Variants in ZBTB16 observed in about 807,000 individuals in gnomAD.
The protein encoded by ZBTB16 is zinc finger and BTB domain-containing protein 16.
A neutral mutation model predicts 56.8 loss-of-function variants in ZBTB16; 8 were observed. The observed-to-expected ratio is 0.14, with a 90% confidence interval of 0.08 to 0.25. The LOEUF (loss-of-function observed/expected upper bound fraction) is 0.25. Among genes scored for constraint, ZBTB16 ranks in the 10% least tolerant of loss-of-function variants. ZBTB16 has a pLI of 1.00. For missense variants in ZBTB16, 625 were observed against 903.0 expected (o/e 0.69, Z 3.95); for synonymous variants, 363 against 368.5 (o/e 0.98, Z 0.17).
chr11:114,091,409 C>A (rs1940183787), intron 2 of ZBTB16, among the ~76,000 whole-genome samples: 2 of 151,854 alleles, frequency 1.3e-5, no homozygotes, highest in Non-Finnish European at 2.9e-5. Context: ...CTCTCCTCCA[C>A]CCCCTGGCAT....
chr11:114,251,555 C>G lies in ZBTB16; in HGVS notation c.*1000C>G, dbSNP rs1227851613. On this transcript the variant is annotated 3_prime_UTR_variant, in exon 7 of 7. Transcript: ENST00000335953. Reference sequence around the variant, plus strand: ...GGTTCCGAGGGTAGGTTGTGGATGTCTTTCTCTAGAGGGGTCCCACACCTG... The same window carrying G: ...GGTTCCGAGGGTAGGTTGTGGATGTGTTTCTCTAGAGGGGTCCCACACCTG... 6.6e-6 allele frequency among the ~76,000 whole-genome samples: 1 copy of G among 152,204 alleles called. No individual in the cohort carries two copies. The highest frequency in any genetic ancestry group is 1.5e-5 in the Non-Finnish European group (1 of 68,032).
At position 114,250,046 on chromosome 11, in the gene ZBTB16, T is replaced by C. The variant is rs902643809; in HGVS notation, c.1793-280T>C. Among the ~76,000 whole-genome samples the C allele has an allele frequency of 2.7e-4, 41 of 152,168 alleles. No homozygotes were observed. The highest frequency in any genetic ancestry group is 1.8e-4 in the Non-Finnish European group (12 of 68,030). On this transcript the variant is annotated intron_variant, in intron 6 of 6. Transcript: ENST00000335953. The surrounding 1 kb of genome is among the most constrained non-coding windows in gnomAD (Gnocchi z 6.0). ...AGTTAAGAATAGTAAGACAAGGAGC[T>C]GGGCAATCCAGTAGTCAACTAGCTA... is the stretch of plus-strand genomic sequence containing the variant.
chr11:114,068,227 G>T (rs998977013), intron 2 of ZBTB16, among the ~76,000 whole-genome samples: 1 of 152,092 alleles, frequency 6.6e-6, no homozygotes, highest in Non-Finnish European at 1.5e-5. Flanking sequence ...AGTCCTTCTT[G>T]CATTTCTTCT....
chr11:114,137,361 T>A (rs1034448531), intron 2 of ZBTB16, among the ~76,000 whole-genome samples: 2 of 151,960 alleles, frequency 1.3e-5, no homozygotes, highest in Non-Finnish European at 2.9e-5. Flanking sequence ...GAGGAAGAGC[T>A]CTCCAAAATG....
intron 2 of ZBTB16, among the ~76,000 whole-genome samples, chr11:114,065,745 C>G (rs1382213996): frequency 1.3e-5 from 2 of 152,132 alleles, no homozygotes; most frequent in African/African-American, 4.8e-5. Flanking sequence ...TGGAACAATA[C>G]TAAGGCTCAG....
At position 114,137,602 on chromosome 11, in the gene ZBTB16, G is replaced by A. The variant is rs77413795; in HGVS notation, c.1269-18735G>A. Among the ~76,000 whole-genome samples the A allele has an allele frequency of 3.9e-3, 599 of 152,284 alleles. 3 individuals carry two copies. The highest frequency in any genetic ancestry group is 0.014 in the African/African-American group (564 of 41,554). On this transcript the variant is annotated intron_variant, in intron 2 of 6. Transcript: ENST00000335953. ...CCTTCCAGCCCGCTTGTGGAGAGAG[G>A]CCCGGAGGCTTCCAGCGAGACAATT... is the stretch of plus-strand genomic sequence containing the variant.
chr11:114,128,146 G>A (rs1472070091), intron 2 of ZBTB16, among the ~76,000 whole-genome samples: 1 of 152,198 alleles, frequency 6.6e-6, no homozygotes, highest in Admixed American at 6.5e-5. Flanking sequence ...TCTGGTCCCT[G>A]GCTTTAGCAC....
chr11:114,114,249 A>C (rs2073845), intron 2 of ZBTB16, among the ~76,000 whole-genome samples: 1 of 152,238 alleles, frequency 6.6e-6, no homozygotes, highest in East Asian at 1.9e-4. Context: ...AGACAGAATA[A>C]TGGATGAAGT....
Position 114,093,781 on chromosome 11 carries a change from A to T in ZBTB16, c.1268+29213A>T, listed in dbSNP as rs534656870. Among the ~76,000 whole-genome samples the T allele has an allele frequency of 2.6e-5, 4 of 152,290 alleles. No individual in the cohort carries two copies. The South Asian group carries it at 8.3e-4, about 32-fold the overall frequency. On this transcript the variant is annotated intron_variant, in intron 2 of 6. Coordinates refer to ENST00000335953, the MANE Select transcript of ZBTB16 (RefSeq NM_006006.6). ...GCCTAATCTGTAAGAACAGTCGAGA[A>T]CTTTATTTCTGCCCTTTAACCTATG...
intron 2 of ZBTB16, among the ~76,000 whole-genome samples, chr11:114,131,430 G>GAAAAGAA (rs1941657382): frequency 6.6e-6 from 1 of 152,052 alleles, no homozygotes; most frequent in Non-Finnish European, 1.5e-5. Context: ...TTCTTTTTAA[G>GAAAAGAA]GGTCAGGTGC....
intron 2 of ZBTB16, among the ~76,000 whole-genome samples, chr11:114,150,000 G>T (rs981131261): frequency 6.6e-6 from 1 of 152,188 alleles, no homozygotes; most frequent in Non-Finnish European, 1.5e-5. Context: ...GGCCATAAAA[G>T]ACAGAGATAA....
At chr11:114,094,139 G>C (rs963808317) in intron 2 of ZBTB16, among the ~76,000 whole-genome samples, 1 of 151,964 alleles carries the variant, frequency 6.6e-6, no homozygotes, top group African/African-American at 2.4e-5. Context: ...CACGGTGAAA[G>C]CCCGTCTCTA....
chr11:114,096,932 G>GTA (rs755859721), intron 2 of ZBTB16, among the ~76,000 whole-genome samples: 4 of 152,060 alleles, frequency 2.6e-5, no homozygotes, highest in South Asian at 2.1e-4. Context: ...AGTGTTATGT[G>GTA]TATACACACA....
intron 2 of ZBTB16, among the ~76,000 whole-genome samples, chr11:114,155,839 G>A (rs1018830133): frequency 1.3e-5 from 2 of 152,260 alleles, no homozygotes; most frequent in South Asian, 2.1e-4. Flanking sequence ...CTTATTCAGA[G>A]CCTCCTTTGT....
At chr11:114,218,606 T>G (rs1053469465) in intron 4 of ZBTB16, among the ~76,000 whole-genome samples, 5 of 152,210 alleles carry the variant, frequency 3.3e-5, no homozygotes, top group Admixed American at 6.5e-5. Context: ...GCCTTCAAGG[T>G]CAAGATCAGA....
At chr11:114,120,237 C>T (rs1262020491) in intron 2 of ZBTB16, among the ~76,000 whole-genome samples, 2 of 152,182 alleles carry the variant, frequency 1.3e-5, no homozygotes, top group Non-Finnish European at 2.9e-5. Flanking sequence ...ACTCCTCAGG[C>T]CTTTGTTTCT....
chr11:114,137,001 A>G (rs1256346990), intron 2 of ZBTB16, among the ~76,000 whole-genome samples: 2 of 152,264 alleles, frequency 1.3e-5, no homozygotes, highest in East Asian at 3.9e-4. Flanking sequence ...GTCTTTAAAA[A>G]TATTCTGGGA....
At chr11:114,136,125 C>G (rs571217183) in intron 2 of ZBTB16, among the ~76,000 whole-genome samples, 43 of 152,296 alleles carry the variant, frequency 2.8e-4, no homozygotes, top group African/African-American at 1.0e-3. Flanking sequence ...GCCTGGGGTG[C>G]TGATGTCCTT....
At chr11:114,146,366 C>T (rs1565650365) in intron 2 of ZBTB16, among the ~76,000 whole-genome samples, 1 of 152,060 alleles carries the variant, frequency 6.6e-6, no homozygotes, top group Non-Finnish European at 1.5e-5. Flanking sequence ...AAGGCAGACC[C>T]TGAGGTGAGA....
Sources: allele counts gnomAD v4.1 joint callset (sites outside exome capture counted in the v4.1 genomes callset), GRCh38; gene constraint gnomAD v4.1.1; non-coding constraint Gnocchi (gnomAD v3.1); transcripts MANE v1.5; gene names NCBI Gene and HGNC (gene_info 2026-07-23, HGNC 2026-07-21).